Variants in NIBAN1 observed in about 807,000 individuals in gnomAD.
NIBAN1 encodes niban apoptosis regulator 1, also known as protein Niban 1.
NIBAN1 carries 81 observed loss-of-function variants against 75.1 expected under a neutral mutation model. The ratio of observed to expected loss-of-function variants is 1.08; its 90% CI spans 0.90 to 1.30. The LOEUF (loss-of-function observed/expected upper bound fraction) is 1.30. NIBAN1 is among the 50% of genes most tolerant of loss of function. The pLI, the probability that NIBAN1 is intolerant of heterozygous loss-of-function variation, is 0.00. For synonymous variants in NIBAN1, 436 were observed against 424.8 expected (o/e 1.03, Z -0.32); for missense variants, 1,133 against 1,128.1 (o/e 1.00, Z -0.06).
At chr1:184,966,204 C>A (rs115946808) in intron 1 of NIBAN1, among the ~76,000 whole-genome samples, 1,802 of 152,308 alleles carry the variant, frequency 0.012, 32 homozygotes, top group African/African-American at 0.039. Context: ...GCTCTGAGAC[C>A]AGCTTTAACC....
chr1:184,890,162 T>TA lies in NIBAN1; in HGVS notation c.378_379insT (p.Thr127TyrfsTer5). ...AACAGATTATATTCATCTTCTGAGGTTAACACCTTGCCACCGGCTGGAAGA... is the reference window on the plus strand; with the variant it reads ...AACAGATTATATTCATCTTCTGAGGTATAACACCTTGCCACCGGCTGGAAGA... On this transcript the variant is annotated frameshift_variant, in exon 4 of 14. Transcript: ENST00000367511. LOFTEE classifies it high-confidence loss of function. 1 of 1,613,890 alleles carries TA rather than the reference T, an allele frequency of 6.2e-7. No homozygotes were observed. The highest frequency in any genetic ancestry group is 8.5e-7 in the Non-Finnish European group (1 of 1,179,856).
At chr1:184,856,180 T>TA (rs1655671337) in intron 5 of NIBAN1, among the ~76,000 whole-genome samples, 2 of 152,178 alleles carry the variant, frequency 1.3e-5, no homozygotes, top group Admixed American at 1.3e-4. Context: ...ATATAAGTAT[T>TA]AAATATCAAA....
Position 184,966,292 on chromosome 1 carries a change from A to G in NIBAN1, c.55+8010T>C, listed in dbSNP as rs113141193. Among the ~76,000 whole-genome samples the G allele has an allele frequency of 8.6e-3, 1,310 of 152,308 alleles. 15 individuals carry two copies. Among genetic ancestry groups the G allele is most frequent in the South Asian group, 0.019 (92 of 4,822 alleles). On this transcript the variant is annotated intron_variant, in intron 1 of 13. Coordinates refer to ENST00000367511, the MANE Select transcript of NIBAN1 (RefSeq NM_052966.4). ...GTCCTAGAAGCTTCTACATGCTTTT[A>G]CACTCTAGCAATGTAAGATCCTGAC... is the stretch of plus-strand genomic sequence containing the variant.
At chr1:184,839,387 A>G (rs1655220919) in intron 5 of NIBAN1, among the ~76,000 whole-genome samples, 1 of 152,178 alleles carries the variant, frequency 6.6e-6, no homozygotes, top group Non-Finnish European at 1.5e-5. Flanking sequence ...ACATGCTGTT[A>G]TAAGAAATAA....
chr1:184,806,091 G>A, intron 10 of NIBAN1, 35 bp from the exon 11 acceptor site: 1 of 1,571,068 alleles, frequency 6.4e-7, no homozygotes, highest in Non-Finnish European at 8.7e-7. Context: ...ACAGACAACA[G>A]TCAGGGGCTG....
intron 5 of NIBAN1, among the ~76,000 whole-genome samples, chr1:184,855,985 G>A: frequency 6.6e-6 from 1 of 152,120 alleles, no homozygotes; most frequent in East Asian, 1.9e-4. Flanking sequence ...AACATTTATT[G>A]TGTTACAATA....
chr1:184,826,401 A>G (rs1654841950), intron 6 of NIBAN1, among the ~76,000 whole-genome samples: 1 of 152,210 alleles, frequency 6.6e-6, no homozygotes, highest in East Asian at 1.9e-4. Context: ...ATTGAAAGTA[A>G]TGGCAAGAAC....
At chr1:184,891,985 A>G (rs1243531486) in intron 3 of NIBAN1, among the ~76,000 whole-genome samples, 1 of 152,248 alleles carries the variant, frequency 6.6e-6, no homozygotes, top group Non-Finnish European at 1.5e-5. Context: ...AACGATGAAC[A>G]AAGAAAAAGC....
At chr1:184,906,268 A>AACACAC (rs35005865) in intron 1 of NIBAN1, among the ~76,000 whole-genome samples, 25 of 149,742 alleles carry the variant, frequency 1.7e-4, no homozygotes, top group African/African-American at 5.4e-4. Context: ...AAAATAAATG[A>AACACAC]ACACACACAC....
rs558962102 is a variant in NIBAN1, at chr1:184,883,414, G to A, written c.601+1219C>T. ...TCATTACTCTCTTCCTAACACCTAC[G>A]TAGAGGCTGGCACAGAGTAAGCCCT... On this transcript the variant is annotated intron_variant, in intron 5 of 13. Coordinates refer to ENST00000367511, the MANE Select transcript of NIBAN1 (RefSeq NM_052966.4). Among the ~76,000 whole-genome samples the A allele has an allele frequency of 4.6e-5, 7 of 152,304 alleles. No homozygotes were observed. The East Asian group carries it at 5.8e-4, about 13-fold the overall frequency.
Position 184,954,334 on chromosome 1 carries a change from G to C in NIBAN1, c.55+19968C>G, listed in dbSNP as rs191061866. ...ACTGCTATCCACGGTGCCACCTCCT[G>C]GCTAGGAAAAAGGGGTAGTCATGTG... On this transcript the variant is annotated intron_variant, in intron 1 of 13. Coordinates refer to ENST00000367511, the MANE Select transcript of NIBAN1 (RefSeq NM_052966.4). Among the ~76,000 whole-genome samples the C allele has an allele frequency of 7.2e-4, 110 of 152,094 alleles. 1 individual carries two copies. Among genetic ancestry groups the C allele is most frequent in the African/African-American group, 2.3e-3 (97 of 41,510 alleles).
chr1:184,828,702 T>C (rs141728007), intron 6 of NIBAN1, among the ~76,000 whole-genome samples: 44 of 152,352 alleles, frequency 2.9e-4, no homozygotes, highest in African/African-American at 9.4e-4. Flanking sequence ...GTTCTTTCTC[T>C]TACCTGTAGG....
At chr1:184,967,797 C>T (rs1195706339) in intron 1 of NIBAN1, among the ~76,000 whole-genome samples, 1 of 152,178 alleles carries the variant, frequency 6.6e-6, no homozygotes, top group Non-Finnish European at 1.5e-5. Context: ...TTTATCAAGG[C>T]TTGTATTAGA....
chr1:184,825,545 AAG>A (rs1654820814), intron 6 of NIBAN1, among the ~76,000 whole-genome samples: 1 of 152,364 alleles, frequency 6.6e-6, no homozygotes, highest in Non-Finnish European at 1.5e-5. Flanking sequence ...AAAATAAAAA[AAG>A]AATATGGGAG....
chr1:184,937,244 C>T (rs1325030699), intron 1 of NIBAN1, among the ~76,000 whole-genome samples: 7 of 143,248 alleles, frequency 4.9e-5, no homozygotes, highest in Admixed American at 1.5e-4. Flanking sequence ...TGTACTACAA[C>T]CTTTAACTTC....
chr1:184,868,872 C>T (rs672320), intron 5 of NIBAN1, among the ~76,000 whole-genome samples: 59,106 of 151,836 alleles, frequency 0.39, 11,973 homozygotes, highest in South Asian at 0.51. Flanking sequence ...AAATCTTGTC[C>T]TGATCACCAG....
chr1:184,972,766 T>C (rs1658971951), intron 1 of NIBAN1, among the ~76,000 whole-genome samples: 1 of 152,246 alleles, frequency 6.6e-6, no homozygotes, highest in African/African-American at 2.4e-5. Flanking sequence ...ATTTTCTTAT[T>C]ATCTGAGTAC....
chr1:184,925,542 T>G (rs760484563), intron 1 of NIBAN1, among the ~76,000 whole-genome samples: 1 of 152,098 alleles, frequency 6.6e-6, no homozygotes, highest in African/African-American at 2.4e-5. Context: ...TCCAGTGGTG[T>G]TTTTAATTTC....
At chr1:184,892,451 T>C (rs997792406) in intron 3 of NIBAN1, among the ~76,000 whole-genome samples, 3 of 152,204 alleles carry the variant, frequency 2.0e-5, no homozygotes, top group Admixed American at 2.0e-4. Context: ...TAATGAGTCA[T>C]ACAAAACATA....
Sources: gnomAD v4.1 joint callset for allele counts (sites outside exome capture counted in the v4.1 genomes callset) on GRCh38, gnomAD v4.1.1 for gene constraint, MANE v1.5 for transcripts, NCBI Gene and HGNC (gene_info 2026-07-23, HGNC 2026-07-21) for gene names.